CPVL: variants seen among roughly 807,000 people sequenced by gnomAD.
CPVL encodes carboxypeptidase vitellogenic like.
In CPVL, 51 loss-of-function variants were observed where a neutral mutation model predicts 63.7. That is an observed-to-expected ratio of 0.80 (90% confidence interval 0.64 to 1.01). The LOEUF is 1.01. Among genes scored for constraint, CPVL ranks in the 50% least tolerant of loss-of-function variants. The probability of loss-of-function intolerance (pLI) is 0.00; values close to 1 mark genes in which losing one functional copy is unlikely to be tolerated. For synonymous variants in CPVL, 195 were observed against 206.0 expected (o/e 0.95, Z 0.46); for missense variants, 530 against 573.1 (o/e 0.92, Z 0.77).
chr7:29,053,507 T>C (rs758532112), intron 11 of CPVL, among the ~76,000 whole-genome samples: 2 of 152,162 alleles, frequency 1.3e-5, no homozygotes, highest in Non-Finnish European at 2.9e-5. Flanking sequence ...CACAATTTCA[T>C]TTATAAGAAA....
At chr7:29,156,838 A>G (rs1480776068) in intron 5 of CPVL, among the ~76,000 whole-genome samples, 1 of 152,158 alleles carries the variant, frequency 6.6e-6, no homozygotes, top group Admixed American at 6.5e-5. Flanking sequence ...TGGATTATGC[A>G]CCTGGAGATC....
chr7:29,177,457 T>C (rs1272758173), intron 5 of CPVL, among the ~76,000 whole-genome samples: 1 of 152,128 alleles, frequency 6.6e-6, no homozygotes, highest in Non-Finnish European at 1.5e-5. Flanking sequence ...TTTCACCATG[T>C]TGGCCAGCCT....
intron 12 of CPVL, among the ~76,000 whole-genome samples, chr7:29,014,009 T>C (rs781323830): frequency 1.3e-5 from 2 of 152,238 alleles, no homozygotes; most frequent in Non-Finnish European, 2.9e-5. Flanking sequence ...CTTGCTCCTA[T>C]ACCCTTCCTT....
intron 11 of CPVL, among the ~76,000 whole-genome samples, chr7:29,043,161 T>G (rs1056939597): frequency 3.9e-5 from 6 of 152,130 alleles, no homozygotes; most frequent in African/African-American, 1.4e-4. Flanking sequence ...ATAGCAAAGT[T>G]AGTGGAAGGT....
At chr7:29,157,749 C>T (rs1681976998) in intron 5 of CPVL, among the ~76,000 whole-genome samples, 1 of 152,134 alleles carries the variant, frequency 6.6e-6, no homozygotes, top group Admixed American at 6.5e-5. Flanking sequence ...TTTTCAATAA[C>T]ACTAAACTCA....
intron 1 of CPVL, among the ~76,000 whole-genome samples, chr7:29,138,609 C>T (rs554740230): frequency 1.4e-4 from 21 of 152,118 alleles, no homozygotes; most frequent in African/African-American, 4.1e-4. Context: ...GACCCAGATC[C>T]CTGGGAGTGA....
intron 5 of CPVL, among the ~76,000 whole-genome samples, chr7:29,172,582 G>A (rs950744232): frequency 2.6e-5 from 4 of 152,150 alleles, no homozygotes; most frequent in Non-Finnish European, 5.9e-5. Context: ...ACACCCTCCA[G>A]ATAAATTGAA....
chr7:29,121,030 G>T lies in CPVL; in HGVS notation c.32C>A (p.Ser11Ter). The change falls in exon 2 of 13, where the codon TCG becomes TAG. Residue 11 changes from serine (S) to a stop codon, truncating the protein, a stop_gained. Transcript: ENST00000265394. LOFTEE classifies it high-confidence loss of function. MVGAMWKVIVSLVLLMPGPCD... is the reference protein window; with the variant it reads MVGAMWKVIV Reference sequence around the variant, plus strand: ...GGGGCCAGGCATCAACAGGACCAGCGAAACAATCACCTTCCACATGGCACC... The same window carrying T: ...GGGGCCAGGCATCAACAGGACCAGCTAAACAATCACCTTCCACATGGCACC... The T allele has an allele frequency of 1.2e-6, 2 of 1,608,140 alleles. No individual in the cohort carries two copies. Among genetic ancestry groups the T allele is most frequent in the South Asian group, 1.1e-5 (1 of 89,576 alleles).
intron 6 of CPVL, among the ~76,000 whole-genome samples, chr7:29,091,257 G>A (rs1785748275): frequency 6.6e-6 from 1 of 152,214 alleles, no homozygotes; most frequent in South Asian, 2.1e-4. Context: ...CTGTCTTTGG[G>A]GGAGGGGAAG....
chr7:29,159,301 T>C (rs1394229187), intron 5 of CPVL, among the ~76,000 whole-genome samples: 1 of 152,156 alleles, frequency 6.6e-6, no homozygotes, highest in Non-Finnish European at 1.5e-5. Flanking sequence ...TATCCACAGC[T>C]GGTTAGAAGC....
intron 11 of CPVL, among the ~76,000 whole-genome samples, chr7:29,044,304 G>A (rs1210047354): frequency 6.6e-6 from 1 of 151,982 alleles, no homozygotes; most frequent in East Asian, 1.9e-4. Context: ...GTAATCCTAG[G>A]TACTTGGGAG....
At chr7:29,185,973 G>T (rs1798661668) in intron 2 of CPVL, among the ~76,000 whole-genome samples, 1 of 152,160 alleles carries the variant, frequency 6.6e-6, no homozygotes, top group African/African-American at 2.4e-5. Flanking sequence ...AATTCCTTCA[G>T]TTCCCCAGAG....
At chr7:29,154,334 C>G (rs1433285226) in intron 5 of CPVL, among the ~76,000 whole-genome samples, 3 of 152,190 alleles carry the variant, frequency 2.0e-5, no homozygotes, top group Non-Finnish European at 4.4e-5. Context: ...AGTGAATCAG[C>G]CTCTAGCATG....
In CPVL at chr7:29,069,769, AATGTGTGTGT is replaced by A. The variant is rs1381376173; in HGVS notation, c.864+1994_864+2003del. On this transcript the variant is annotated intron_variant, in intron 9 of 12. Coordinates refer to ENST00000265394, the MANE Select transcript of CPVL (RefSeq NM_031311.5). Reference sequence around the variant, plus strand: ...TCGGCATCCTCTCCACTCACCAGTAAATGTGTGTGTGTGTGTGTGTGTGTGTGTGTGTGTG... The same window carrying A: ...TCGGCATCCTCTCCACTCACCAGTAAGTGTGTGTGTGTGTGTGTGTGTGTG... Among the ~76,000 whole-genome samples, 17 of 114,768 alleles carry A rather than the reference AATGTGTGTGT, an allele frequency of 1.5e-4. No homozygotes were observed. In the South Asian group the frequency reaches 1.9e-3, roughly 13 times the overall value. The allele number at this position is 114,768 out of a possible 152,430, so 75.3% of individuals were successfully genotyped here. A position where few individuals can be genotyped will look rare whatever the true frequency, so the allele number is the denominator to read the frequency against.
At chr7:29,073,994 G>A (rs562556762) in intron 7 of CPVL, among the ~76,000 whole-genome samples, 1 of 152,142 alleles carries the variant, frequency 6.6e-6, no homozygotes, top group Non-Finnish European at 1.5e-5. Context: ...CCCTCCAGGG[G>A]TCTGTAGTTC....
At chr7:29,142,619 G>A (rs952321928) in intron 1 of CPVL, among the ~76,000 whole-genome samples, 4 of 149,144 alleles carry the variant, frequency 2.7e-5, no homozygotes, top group Middle Eastern at 3.5e-3. Context: ...CTCTGCTGCC[G>A]GGTTGCAGCG....
chr7:29,028,877 A>G (rs1253780570), intron 12 of CPVL, among the ~76,000 whole-genome samples: 1 of 150,476 alleles, frequency 6.6e-6, no homozygotes, highest in African/African-American at 2.4e-5. Context: ...AGGCAGGAGA[A>G]TGGCGCGAAC....
chr7:29,025,394 G>A (rs1787394126), intron 12 of CPVL, among the ~76,000 whole-genome samples: 1 of 152,162 alleles, frequency 6.6e-6, no homozygotes, highest in South Asian at 2.1e-4. Flanking sequence ...GATGGAGGAG[G>A]TCCCAGACTC....
chr7:29,111,347 C>G (rs1046095445), intron 3 of CPVL, among the ~76,000 whole-genome samples: 1 of 152,206 alleles, frequency 6.6e-6, no homozygotes, highest in Non-Finnish European at 1.5e-5. Context: ...CTAGACCACC[C>G]GATTCCACCT....
Sources: allele counts gnomAD v4.1 joint callset (sites outside exome capture counted in the v4.1 genomes callset), GRCh38; gene constraint gnomAD v4.1.1; transcripts MANE v1.5; gene names NCBI Gene and HGNC (gene_info 2026-07-23, HGNC 2026-07-21).